Variants in LOC128092252 observed in about 807,000 individuals in gnomAD.
the LOC128092252 span, among the ~76,000 whole-genome samples, chr15:50,667,273 A>C: frequency 2.6e-5 from 4 of 152,176 alleles, no homozygotes; most frequent in Admixed American, 2.6e-4. Context: ...CTGTTCCTCC[A>C]AGGGCTCTAC....
chr15:50,677,502 A>G, the LOC128092252 span, among the ~76,000 whole-genome samples: 15 of 152,200 alleles, frequency 9.9e-5, no homozygotes, highest in African/African-American at 3.6e-4. Flanking sequence ...GCACTTTGGG[A>G]GGCCAAGGCA....
chr15:50,681,264 TACACACACACACAC>T, the LOC128092252 span, among the ~76,000 whole-genome samples: 1 of 146,906 alleles, frequency 6.8e-6, no homozygotes, highest in Non-Finnish European at 1.5e-5. Flanking sequence ...AATAAATAAA[TACACACACACACAC>T]ACACACACAC....
chr15:50,679,294 C>T, the LOC128092252 span, among the ~76,000 whole-genome samples: 1 of 149,238 alleles, frequency 6.7e-6, no homozygotes. Context: ...ATGATGATGT[C>T]ACTGCACTCT....
the LOC128092252 span, among the ~76,000 whole-genome samples, chr15:50,685,826 T>A: frequency 0.022 from 3,371 of 152,228 alleles, 118 homozygotes; most frequent in African/African-American, 0.078. Flanking sequence ...CGATCAACTG[T>A]TCTCTGGGGC....
chr15:50,680,904 T>C, the LOC128092252 span, among the ~76,000 whole-genome samples: 2 of 151,492 alleles, frequency 1.3e-5, no homozygotes. Flanking sequence ...CTGCTCTTTA[T>C]ATATAAATAA....
At chr15:50,676,532 A>G in the LOC128092252 span, among the ~76,000 whole-genome samples, 51 of 152,180 alleles carry the variant, frequency 3.4e-4, no homozygotes, top group African/African-American at 1.2e-3. Flanking sequence ...CAGCCTGGTC[A>G]ACACAGCGAG....
At chr15:50,661,636 C>T in the LOC128092252 span, among the ~76,000 whole-genome samples, 3 of 152,066 alleles carry the variant, frequency 2.0e-5, no homozygotes, top group Admixed American at 6.6e-5. Context: ...AGAATAGTGA[C>T]ATATTCTATA....
At chr15:50,672,745 A>T in the LOC128092252 span, among the ~76,000 whole-genome samples, 1 of 151,706 alleles carries the variant, frequency 6.6e-6, no homozygotes, top group African/African-American at 2.4e-5. Context: ...CCCCATCACT[A>T]CTAAAAATAT....
At chr15:50,685,881 G>A in the LOC128092252 span, among the ~76,000 whole-genome samples, 1 of 152,130 alleles carries the variant, frequency 6.6e-6, no homozygotes, top group Non-Finnish European at 1.5e-5. Context: ...ACAGTACATT[G>A]TCTTGGTCCC....
the LOC128092252 span, among the ~76,000 whole-genome samples, chr15:50,651,947 T>C: frequency 3.9e-5 from 6 of 151,924 alleles, no homozygotes; most frequent in Admixed American, 3.9e-4. Flanking sequence ...GTTTTAAAAA[T>C]TTCATTTAAA....
the LOC128092252 span, among the ~76,000 whole-genome samples, chr15:50,684,053 T>C: frequency 1.9e-4 from 29 of 152,022 alleles, no homozygotes; most frequent in Non-Finnish European, 7.4e-5. Flanking sequence ...GGTTTCACCA[T>C]GTTGGCCAGG....
chr15:50,650,192 C>CAAAAAAAA, the LOC128092252 span, among the ~76,000 whole-genome samples: 18 of 62,292 alleles, frequency 2.9e-4, no homozygotes, highest in African/African-American at 7.2e-4. Context: ...GACTTTGTCT[C>CAAAAAAAA]AAAAAAAAAA....
chr15:50,660,253 T>C, the LOC128092252 span, among the ~76,000 whole-genome samples: 2 of 151,914 alleles, frequency 1.3e-5, no homozygotes, highest in Non-Finnish European at 1.5e-5. Context: ...AAAGAACTAA[T>C]CAAAAACATT....
the LOC128092252 span, among the ~76,000 whole-genome samples, chr15:50,670,549 G>A: frequency 0.016 from 2,404 of 152,172 alleles, 67 homozygotes; most frequent in African/African-American, 0.056. Context: ...CACCATGACA[G>A]TTTACAGATG....
the LOC128092252 span, among the ~76,000 whole-genome samples, chr15:50,668,237 T>C: frequency 1.4e-4 from 22 of 152,330 alleles, no homozygotes; most frequent in East Asian, 4.0e-3. Context: ...AGGACTGTCA[T>C]GGAGGGCTGG....
chr15:50,660,058 C>A, the LOC128092252 span, among the ~76,000 whole-genome samples: 1 of 152,190 alleles, frequency 6.6e-6, no homozygotes, highest in Admixed American at 6.6e-5. Context: ...ACTAAGGAGG[C>A]TTAAATACTA....
At chr15:50,678,517 A>AAT in the LOC128092252 span, among the ~76,000 whole-genome samples, 82 of 132,710 alleles carry the variant, frequency 6.2e-4, no homozygotes, top group African/African-American at 8.9e-4. Context: ...AAAAAAAAAA[A>AAT]ATATATATAT....
the LOC128092252 span, among the ~76,000 whole-genome samples, chr15:50,653,786 A>G: frequency 1.3e-5 from 2 of 152,200 alleles, no homozygotes; most frequent in East Asian, 3.8e-4. Flanking sequence ...GGGATTCACC[A>G]TGGGTCTTTG....
At chr15:50,663,113 T>C in the LOC128092252 span, 2 of 1,236,272 alleles carry the variant, frequency 1.6e-6, no homozygotes, top group Non-Finnish European at 2.3e-6. Flanking sequence ...AACAATTTCA[T>C]GATAAACACA....
Sources: allele counts gnomAD v4.1 joint callset (sites outside exome capture counted in the v4.1 genomes callset), GRCh38; gene constraint gnomAD v4.1.1; transcripts MANE v1.5.